PABIR2: variants seen among roughly 807,000 people sequenced by gnomAD.
PABIR2 encodes the protein family with sequence similarity 122B.
A neutral mutation model predicts 22.8 loss-of-function variants in PABIR2; 7 were observed. That is an observed-to-expected ratio of 0.31 (90% CI 0.17 to 0.58). The LOEUF (loss-of-function observed/expected upper bound fraction) is 0.58. Among genes scored for constraint, PABIR2 ranks in the 20% least tolerant of loss-of-function variants. PABIR2 has a pLI of 0.89. For missense variants in PABIR2, 155 were observed against 205.1 expected (o/e 0.76, Z 1.49); for synonymous variants, 67 against 73.8 (o/e 0.91, Z 0.47).
At chrX:134,775,663 C>T (rs1468628854) in intron 9 of PABIR2, among the ~76,000 whole-genome samples, 1 of 111,042 alleles carries the variant, frequency 9.0e-6, no homozygotes, top group Non-Finnish European at 1.9e-5. Flanking sequence ...GTGATTCATG[C>T]TATCACCCCA....
In PABIR2 at chrX:134,785,939, T is replaced by G. The variant is rs756638956; in HGVS notation, c.509A>C (p.Gln170Pro). ...GGGTCTAATGCACTTGACTGGACTC[T>G]GACTTCTCCTGCTTTGATGAAAAAA... ...SPRRFSSRRS[Q>P]SPVKCIRPSV... The change falls in exon 8 of 10, where the codon CAG (glutamine) becomes CCG (proline). Residue 170 changes from glutamine to proline, a missense_variant. Transcript: ENST00000343004. 2.5e-6 allele frequency: 3 copies of G among 1,210,979 alleles called. No individual in the cohort carries two copies. The highest frequency in any genetic ancestry group is 2.2e-5 in the Admixed American group (1 of 46,037).
At chrX:134,780,272 G>T (rs141820105) in intron 9 of PABIR2, among the ~76,000 whole-genome samples, 2,090 of 112,445 alleles carry the variant, frequency 0.019, 44 homozygotes, top group African/African-American at 0.064. Context: ...GTGCCCTCAT[G>T]GGCTTTTTAA....
chrX:134,773,492 A>G (rs1260009067), intron 9 of PABIR2, among the ~76,000 whole-genome samples: 1 of 111,070 alleles, frequency 9.0e-6, no homozygotes, highest in African/African-American at 3.3e-5. Flanking sequence ...TAACATGGGT[A>G]ACCTAACCTA....
Position 134,772,097 on chromosome X carries a change from G to A in PABIR2, c.*42C>T. On this transcript the variant is annotated 3_prime_UTR_variant, in exon 10 of 10. Coordinates refer to ENST00000343004, the MANE Select transcript of PABIR2 (RefSeq NM_001387468.1). Reference sequence around the variant, plus strand: ...CTGCGTTCCCCACTAAACATTTTATGTAGGAAACAGCAGTTAAAACGTTGA... The same window carrying A: ...CTGCGTTCCCCACTAAACATTTTATATAGGAAACAGCAGTTAAAACGTTGA... 1 of 1,160,245 alleles carries A rather than the reference G, an allele frequency of 8.6e-7. No individual in the cohort carries two copies. The highest frequency in any genetic ancestry group is 3.1e-5 in the East Asian group (1 of 32,600).
intron 5 of PABIR2, 49 bp from the exon 6 acceptor site, chrX:134,788,880 G>A: frequency 1.8e-6 from 2 of 1,090,987 alleles, no homozygotes; most frequent in Non-Finnish European, 2.5e-6. Flanking sequence ...GCACATCACA[G>A]CTCTTACTTA....
chrX:134,794,016 C>G lies in PABIR2; in HGVS notation c.99-123G>C, dbSNP rs531890777. 1.2e-5 allele frequency: 13 copies of G among 1,105,791 alleles called. No individual in the cohort carries two copies. In the South Asian group the frequency reaches 2.5e-4, roughly 21 times the overall value. 91.1% of individuals were successfully genotyped at this position (1,105,791 alleles called of 1,213,427 possible). On this transcript the variant is annotated intron_variant, in intron 1 of 9. Transcript: ENST00000343004. Reference sequence around the variant, plus strand: ...AACAACGAAATCTTCCATGGCTCCTCATTTCATACAGAGAATGAACTCCTC... The same window carrying G: ...AACAACGAAATCTTCCATGGCTCCTGATTTCATACAGAGAATGAACTCCTC...
intron 6 of PABIR2, among the ~76,000 whole-genome samples, chrX:134,788,104 TTATA>T (rs1163785988): frequency 9.9e-6 from 1 of 100,907 alleles, no homozygotes; most frequent in Non-Finnish European, 2.1e-5. Context: ...TATATACACG[TTATA>T]TATGTGTAAT....
chrX:134,773,183 G>A (rs912613826), intron 9 of PABIR2, among the ~76,000 whole-genome samples: 1 of 110,895 alleles, frequency 9.0e-6, no homozygotes, highest in African/African-American at 3.3e-5. Flanking sequence ...TTTACAGTCT[G>A]GCATCAAGCT....
At chrX:134,786,421 G>C (rs1203898172) in intron 7 of PABIR2, among the ~76,000 whole-genome samples, 1 of 110,968 alleles carries the variant, frequency 9.0e-6, no homozygotes, top group Non-Finnish European at 1.9e-5. Context: ...AGGAGGCTGA[G>C]ACAGGAGAAT....
At chrX:134,784,851 A>C (rs923796759) in intron 8 of PABIR2, among the ~76,000 whole-genome samples, 14 of 111,218 alleles carry the variant, frequency 1.3e-4, no homozygotes, top group African/African-American at 4.2e-4. Flanking sequence ...ATTTTAGCCT[A>C]CTGCTTTGTG....
At chrX:134,793,211 T>G (rs1184779667) in intron 2 of PABIR2, among the ~76,000 whole-genome samples, 2 of 111,928 alleles carry the variant, frequency 1.8e-5, no homozygotes, top group Non-Finnish European at 3.8e-5. Context: ...GGATCTATCT[T>G]CTTTCACCTC....
chrX:134,772,261 T>C lies in PABIR2; in HGVS notation c.682A>G (p.Ser228Gly). The C allele has an allele frequency of 8.4e-7, 1 of 1,192,072 alleles. No homozygotes were observed. The highest frequency in any genetic ancestry group is 1.9e-5 in the South Asian group (1 of 53,824). Reference protein sequence around the residue: ...SSCSDILDGSSSSSGLSSDPL... With the variant: ...SSCSDILDGSGSSSGLSSDPL... Reference sequence around the variant, plus strand: ...TCTGAGGATAAGCCACTGCTGCTACTACTGCCATCCAAAATATCTGAACTG... The same window carrying C: ...TCTGAGGATAAGCCACTGCTGCTACCACTGCCATCCAAAATATCTGAACTG... The change falls in exon 10 of 10, where the codon AGT becomes GGT. Residue 228 changes from serine (S) to glycine (G), a missense_variant. By Grantham distance (56) the Ser-to-Gly change is moderately conservative. Coordinates refer to ENST00000343004, the MANE Select transcript of PABIR2 (RefSeq NM_001387468.1).
At chrX:134,781,259 A>G (rs2079148807) in intron 9 of PABIR2, among the ~76,000 whole-genome samples, 1 of 112,827 alleles carries the variant, frequency 8.9e-6, no homozygotes, top group African/African-American at 3.2e-5. Flanking sequence ...ATTATCCTCC[A>G]TAGAGATTTC....
At chrX:134,789,164 G>C (rs767614958) in intron 4 of PABIR2, 25 bp from the exon 5 acceptor site, 4 of 1,210,353 alleles carry the variant, frequency 3.3e-6, no homozygotes, top group Admixed American at 4.4e-5. Context: ...GGGAAGGGCC[G>C]TCAGTGTTTA....
chrX:134,793,575 G>A (rs1452386570), intron 2 of PABIR2: 4 of 468,772 alleles, frequency 8.5e-6, no homozygotes, highest in Non-Finnish European at 1.5e-5. Context: ...TGCAAGTAGT[G>A]ACAAATAATA....
intron 8 of PABIR2, among the ~76,000 whole-genome samples, chrX:134,784,189 G>A (rs979922352): frequency 4.5e-5 from 5 of 110,409 alleles, no homozygotes; most frequent in African/African-American, 1.6e-4. Context: ...TGTGTTGCCG[G>A]CTGGGCGTGG....
chrX:134,785,446 A>ATT (rs778945054), intron 8 of PABIR2, among the ~76,000 whole-genome samples: 1 of 104,298 alleles, frequency 9.6e-6, no homozygotes, highest in Non-Finnish European at 2.0e-5. Context: ...ATCACAGTCA[A>ATT]TTTTTTTTTT....
At chrX:134,774,629 T>A (rs1025651747) in intron 9 of PABIR2, among the ~76,000 whole-genome samples, 14 of 110,623 alleles carry the variant, frequency 1.3e-4, no homozygotes, top group Non-Finnish European at 2.3e-4. Flanking sequence ...AGAAATAAGC[T>A]AATTGAGGAG....
chrX:134,791,859 G>T (rs952486811), intron 2 of PABIR2, among the ~76,000 whole-genome samples: 2 of 111,719 alleles, frequency 1.8e-5, no homozygotes, highest in African/African-American at 6.5e-5. Flanking sequence ...ATGTCCCAAA[G>T]AATTCATCTT....
Sources: gnomAD v4.1 joint callset for allele counts (sites outside exome capture counted in the v4.1 genomes callset) on GRCh38, gnomAD v4.1.1 for gene constraint, MANE v1.5 for transcripts, NCBI Gene and HGNC (gene_info 2026-07-23, HGNC 2026-07-21) for gene names.